RSU1: variants seen among roughly 807,000 people sequenced by gnomAD.
RSU1 encodes rsu-1.
Under a neutral mutation model 31.1 loss-of-function variants are expected in RSU1, and 26 were observed. The ratio of observed to expected loss-of-function variants is 0.84; its 90% confidence interval spans 0.61 to 1.16. The LOEUF (loss-of-function observed/expected upper bound fraction) is 1.16. RSU1 is among the 50% of genes most tolerant of loss of function. RSU1 has a pLI of 0.00. For synonymous variants in RSU1, 164 were observed against 136.3 expected, an observed-to-expected ratio of 1.20 and a Z score of -1.41; for missense variants, 320 against 339.1, an observed-to-expected ratio of 0.94 and a Z score of 0.44.
intron 8 of RSU1, among the ~76,000 whole-genome samples, chr10:16,647,637 A>G (rs1301711879): frequency 6.6e-6 from 1 of 152,220 alleles, no homozygotes; most frequent in African/African-American, 2.4e-5. Flanking sequence ...GTAGAGAGAC[A>G]GAGAGTAGAT....
intron 7 of RSU1, among the ~76,000 whole-genome samples, chr10:16,730,618 T>TG (rs1374845493): frequency 6.6e-6 from 1 of 152,204 alleles, no homozygotes; most frequent in African/African-American, 2.4e-5. Context: ...CCACTAGATT[T>TG]GGGGGGTTTT....
intron 8 of RSU1, among the ~76,000 whole-genome samples, chr10:16,648,186 G>C (rs1186088249): frequency 6.7e-6 from 1 of 149,302 alleles, no homozygotes; most frequent in Non-Finnish European, 1.5e-5. Flanking sequence ...GGCTGGTCTT[G>C]AACTCCTGGG....
chr10:16,780,980 C>T (rs1353293549), intron 3 of RSU1, among the ~76,000 whole-genome samples: 1 of 152,184 alleles, frequency 6.6e-6, no homozygotes, highest in Non-Finnish European at 1.5e-5. Flanking sequence ...GGGGACCCTG[C>T]TGCCACTCTT....
rs560589975 is a variant in RSU1, at chr10:16,650,406, C to T, written c.731+44617G>A. 2.0e-5 allele frequency among the ~76,000 whole-genome samples: 3 copies of T among 152,168 alleles called. No homozygotes were observed. The South Asian group carries it at 6.2e-4, about 32-fold the overall frequency. On this transcript the variant is annotated intron_variant, in intron 8 of 8. Coordinates refer to ENST00000345264, the MANE Select transcript of RSU1 (RefSeq NM_012425.4). ...CTATTGTTACATTTATCAAACCTGC[C>T]ACACAGTAGGTCCTCCATAAATGTT... is the stretch of plus-strand genomic sequence containing the variant.
chr10:16,806,045 T>G (rs1838259741), intron 2 of RSU1, among the ~76,000 whole-genome samples: 1 of 152,366 alleles, frequency 6.6e-6, no homozygotes, highest in Middle Eastern at 3.4e-3. Context: ...TTTGAAAATC[T>G]GTCAACTTGT....
At chr10:16,694,735 T>A (rs1414765745) in intron 8 of RSU1, among the ~76,000 whole-genome samples, 1 of 151,958 alleles carries the variant, frequency 6.6e-6, no homozygotes, top group Non-Finnish European at 1.5e-5. Context: ...CATGCCTGGA[T>A]AATTTCTTTT....
intron 2 of RSU1, among the ~76,000 whole-genome samples, chr10:16,805,103 A>C (rs1297898892): frequency 6.6e-6 from 1 of 152,174 alleles, no homozygotes; most frequent in Admixed American, 6.5e-5. Context: ...CGGGAGGCTG[A>C]GGCTGAGGCA....
chr10:16,612,679 G>C (rs897235868), intron 8 of RSU1, among the ~76,000 whole-genome samples: 3 of 152,164 alleles, frequency 2.0e-5, no homozygotes, highest in Non-Finnish European at 4.4e-5. Context: ...TACACTCTCT[G>C]TTATTTTTCA....
chr10:16,810,610 G>A (rs1033530794), intron 2 of RSU1, among the ~76,000 whole-genome samples: 1 of 152,136 alleles, frequency 6.6e-6, no homozygotes, highest in Non-Finnish European at 1.5e-5. Context: ...TGGGTGTGCT[G>A]GTTTGACAAG....
chr10:16,718,392 G>A (rs1480778040), intron 7 of RSU1, among the ~76,000 whole-genome samples: 2 of 152,178 alleles, frequency 1.3e-5, no homozygotes. Flanking sequence ...AACTATATGT[G>A]ACATGTTATA....
At chr10:16,637,780 GCTGA>G (rs943539351) in intron 8 of RSU1, among the ~76,000 whole-genome samples, 7 of 151,316 alleles carry the variant, frequency 4.6e-5, no homozygotes, top group Admixed American at 1.3e-4. Flanking sequence ...AAGACCAAGC[GCTGA>G]CTAACGGCAA....
In RSU1 at chr10:16,694,407, A is replaced by G. The variant is rs566245260; in HGVS notation, c.731+616T>C. Among the ~76,000 whole-genome samples, 8 of 152,310 alleles carry G rather than the reference A, an allele frequency of 5.3e-5. No homozygotes were observed. In the South Asian group the frequency reaches 1.7e-3, roughly 32 times the overall value. ...CACTTGTAATTCTTTGCATTCACAG[A>G]AGAAAAAAAATATGTTCTGATCTGA... is the stretch of plus-strand genomic sequence containing the variant. On this transcript the variant is annotated intron_variant, in intron 8 of 8. Coordinates refer to ENST00000345264, the MANE Select transcript of RSU1 (RefSeq NM_012425.4).
chr10:16,633,082 G>T (rs781171276), intron 8 of RSU1, among the ~76,000 whole-genome samples: 13 of 152,124 alleles, frequency 8.5e-5, no homozygotes, highest in Non-Finnish European at 1.8e-4. Flanking sequence ...GTTTTGGGGG[G>T]CTGTCCTGTG....
At chr10:16,620,799 C>A (rs376402618) in intron 8 of RSU1, among the ~76,000 whole-genome samples, 2 of 151,082 alleles carry the variant, frequency 1.3e-5, no homozygotes, top group Non-Finnish European at 2.9e-5. Context: ...CAGCTGAGAT[C>A]GCGCCACTGC....
intron 4 of RSU1, among the ~76,000 whole-genome samples, chr10:16,762,746 C>A (rs1355603288): frequency 6.6e-6 from 1 of 151,962 alleles, no homozygotes; most frequent in Admixed American, 6.6e-5. Context: ...TTGGCAAATA[C>A]GGCCAGACGC....
chr10:16,785,439 T>TATATATATAC (rs753904677), intron 2 of RSU1, among the ~76,000 whole-genome samples: 3 of 128,364 alleles, frequency 2.3e-5, no homozygotes, highest in East Asian at 2.4e-4. Flanking sequence ...TATATATATA[T>TATATATATAC]ACACATATAT....
intron 8 of RSU1, 59 bp from the exon 9 acceptor site, chr10:16,593,555 A>C (rs1833551509): frequency 7.0e-6 from 9 of 1,294,300 alleles, no homozygotes; most frequent in Non-Finnish European, 1.0e-5. Context: ...GATAGCTTTC[A>C]CTGGAAGAGC....
chr10:16,752,673 T>C lies in RSU1; in HGVS notation c.484-20A>G. The C allele has an allele frequency of 1.3e-6, 2 of 1,566,324 alleles. No homozygotes were observed. Among genetic ancestry groups the C allele is most frequent in the Non-Finnish European group, 1.8e-6 (2 of 1,137,146 alleles). ...GCTGAGCTAAACAGAAGAAAACAAG[T>C]TGTCAACATATTTACACATTAAAAG... On this transcript the variant is annotated intron_variant, in intron 6 of 8. Coordinates refer to ENST00000345264, the MANE Select transcript of RSU1 (RefSeq NM_012425.4).
chr10:16,714,154 G>A (rs1564328722), intron 7 of RSU1, among the ~76,000 whole-genome samples: 1 of 152,164 alleles, frequency 6.6e-6, no homozygotes, highest in Non-Finnish European at 1.5e-5. Flanking sequence ...CTGAGCTTAG[G>A]TGCATATGGG....
Sources: gnomAD v4.1 joint callset for allele counts (sites outside exome capture counted in the v4.1 genomes callset) on GRCh38, gnomAD v4.1.1 for gene constraint, MANE v1.5 for transcripts, NCBI Gene and HGNC (gene_info 2026-07-23, HGNC 2026-07-21) for gene names.